Variants in CYTH4 observed in about 807,000 individuals in gnomAD.
The protein encoded by CYTH4 is cytohesin-4.
A neutral mutation model predicts 57.5 loss-of-function variants in CYTH4; 22 were observed. The observed-to-expected ratio is 0.38, with a 90% CI of 0.27 to 0.55. The LOEUF (loss-of-function observed/expected upper bound fraction) is 0.55, where lower values mean the gene tolerates loss of function less well. Ranked by LOEUF, CYTH4 falls within the 20% of genes least tolerant of loss-of-function variation. CYTH4 has a pLI of 0.74. For missense variants in CYTH4, 420 were observed against 535.6 expected, an observed-to-expected ratio of 0.78 and a Z score of 2.13; for synonymous variants, 186 against 206.5, an observed-to-expected ratio of 0.90 and a Z score of 0.85.
Position 37,314,791 on chromosome 22 carries a change from A to C in CYTH4, c.*1280A>C. ...GAAATTCCTTGGCAGGGGAACAGGAAATGTGGCCGCCTCTGCCCCACTGCC... is the reference window on the plus strand; with the variant it reads ...GAAATTCCTTGGCAGGGGAACAGGACATGTGGCCGCCTCTGCCCCACTGCC... On this transcript the variant is annotated 3_prime_UTR_variant, in exon 13 of 13. Coordinates refer to ENST00000248901, the MANE Select transcript of CYTH4 (RefSeq NM_013385.5). The C allele has an allele frequency of 5.4e-6, 1 of 184,164 alleles. No homozygotes were observed. Among genetic ancestry groups the C allele is most frequent in the African/African-American group, 2.3e-5 (1 of 42,998 alleles). 11.4% of individuals were successfully genotyped at this position (184,164 alleles called of 1,614,324 possible).
rs759744742 is a variant in CYTH4 at position 37,297,603 on chromosome 22, G to A, written c.274G>A (p.Asp92Asn). Reference sequence around the variant, plus strand: ...CATTGAGCACAAGCTGCTGACCCCTGACGTCCAGGACATTGCACGGTTCCT... The same window carrying A: ...CATTGAGCACAAGCTGCTGACCCCTAACGTCCAGGACATTGCACGGTTCCT... Reference protein sequence around the residue: ...YFIEHKLLTPDVQDIARFLYK... With the variant: ...YFIEHKLLTPNVQDIARFLYK... The change falls in exon 5 of 13, where the codon GAC (aspartate) becomes AAC (asparagine). Residue 92 changes from aspartate to asparagine, a missense_variant. By Grantham distance (23) the Asp-to-Asn change is conservative. Coordinates refer to ENST00000248901, the MANE Select transcript of CYTH4 (RefSeq NM_013385.5). The A allele has an allele frequency of 6.8e-6, 11 of 1,613,978 alleles. No homozygotes were observed. The South Asian group carries it at 9.9e-5, about 14-fold the overall frequency.
chr22:37,288,165 A>G (rs1408621855), intron 1 of CYTH4, among the ~76,000 whole-genome samples: 2 of 152,186 alleles, frequency 1.3e-5, no homozygotes, highest in African/African-American at 4.8e-5. Context: ...CTGTAATCTC[A>G]GCACTTTGGG....
Position 37,314,494 on chromosome 22 carries a change from C to G in CYTH4, c.*983C>G, listed in dbSNP as rs868053249. The G allele has an allele frequency of 5.0e-6, 2 of 398,530 alleles. No individual in the cohort carries two copies. Among genetic ancestry groups the G allele is most frequent in the Non-Finnish European group, 8.8e-6 (2 of 226,058 alleles). The allele number at this position is 398,530 out of a possible 1,614,324, so 24.7% of individuals were successfully genotyped here. A position where few individuals can be genotyped will look rare whatever the true frequency, so the allele number is the denominator to read the frequency against. On this transcript the variant is annotated 3_prime_UTR_variant, in exon 13 of 13. Transcript: ENST00000248901. ...GGGCTGCCTGGAGGCAGTGGCTGAG[C>G]CAGAAAGTAACACAGAGCTCATGCT... is the stretch of plus-strand genomic sequence containing the variant.
Position 37,298,909 on chromosome 22 carries a change from C to T in CYTH4, c.354-317C>T, listed in dbSNP as rs537977309. 1.3e-5 allele frequency among the ~76,000 whole-genome samples: 2 copies of T among 152,208 alleles called. No homozygotes were observed. The highest frequency in any genetic ancestry group is 4.8e-5 in the African/African-American group (2 of 41,526). ...GGCTGGGAAGGTCAAGTGGCTTCCG[C>T]GAGGTCACCAGGTGGGAAGTTACAG... On this transcript the variant is annotated intron_variant, in intron 5 of 12. Coordinates refer to ENST00000248901, the MANE Select transcript of CYTH4 (RefSeq NM_013385.5). The surrounding 1 kb of genome is among the most constrained non-coding windows in gnomAD (Gnocchi z 4.1).
intron 6 of CYTH4, among the ~76,000 whole-genome samples, chr22:37,300,603 G>T (rs572042298): frequency 6.6e-5 from 10 of 152,214 alleles, no homozygotes; most frequent in Non-Finnish European, 1.2e-4. Context: ...AGACCCCGGG[G>T]CAGGCAGAGG....
Position 37,299,133 on chromosome 22 carries a change from G to C in CYTH4, c.354-93G>C, listed in dbSNP as rs960230900. The C allele has an allele frequency of 1.8e-4, 156 of 876,278 alleles. 1 individual carries two copies. In the Admixed American group the frequency reaches 3.0e-3, roughly 17 times the overall value. The allele number at this position is 876,278 out of a possible 1,614,324, so 54.3% of individuals were successfully genotyped here. A position where few individuals can be genotyped will look rare whatever the true frequency, so the allele number is the denominator to read the frequency against. On this transcript the variant is annotated intron_variant, in intron 5 of 12. Coordinates refer to ENST00000248901, the MANE Select transcript of CYTH4 (RefSeq NM_013385.5). The stretch of plus-strand genomic sequence containing the variant: ...GGACCCCAGAAGGACAGATGTCTCT[G>C]TCCTCTCCCTCCCCCACCTCAACCC...
At chr22:37,303,874 C>G (rs902376442) in intron 8 of CYTH4, among the ~76,000 whole-genome samples, 1 of 152,210 alleles carries the variant, frequency 6.6e-6, no homozygotes, top group South Asian at 2.1e-4. Flanking sequence ...TACCAACCTC[C>G]GGTCGCTTCC....
intron 9 of CYTH4, among the ~76,000 whole-genome samples, chr22:37,309,605 G>A (rs1220043627): frequency 6.6e-6 from 1 of 152,186 alleles, no homozygotes; most frequent in African/African-American, 2.4e-5. Context: ...CTTCAGCTGC[G>A]GTTCTGTTTC....
intron 4 of CYTH4, 154 bp downstream of exon 4, chr22:37,296,219 C>G (rs1928962844): frequency 2.5e-6 from 2 of 799,834 alleles, no homozygotes; most frequent in Non-Finnish European, 3.9e-6. Flanking sequence ...TGCCCCATGG[C>G]CAGCTGTGGC....
intron 8 of CYTH4, among the ~76,000 whole-genome samples, chr22:37,306,582 C>T (rs1466534568): frequency 6.6e-6 from 1 of 152,232 alleles, no homozygotes; most frequent in Non-Finnish European, 1.5e-5. Context: ...CTGTGCTTTC[C>T]AGCTACCAGT....
In CYTH4 at chr22:37,295,397, C is replaced by T. The variant is rs180960242; in HGVS notation, c.168-602C>T. Among the ~76,000 whole-genome samples the T allele has an allele frequency of 2.9e-5, 4 of 135,868 alleles. 1 individual carries two copies. Among genetic ancestry groups the T allele is most frequent in the Admixed American group, 2.1e-4 (3 of 14,478 alleles). The allele number at this position is 135,868 out of a possible 152,430, so 89.1% of individuals were successfully genotyped here. A position where few individuals can be genotyped will look rare whatever the true frequency, so the allele number is the denominator to read the frequency against. ...ACACATGCACACACACACACGCATGCACACACACACAAGCATGCACACACA... is the reference window on the plus strand; with the variant it reads ...ACACATGCACACACACACACGCATGTACACACACACAAGCATGCACACACA... On this transcript the variant is annotated intron_variant, in intron 3 of 12. Transcript: ENST00000248901. The surrounding 1 kb of genome is among the most constrained non-coding windows in gnomAD (Gnocchi z 4.1).
At chr22:37,313,369 C>G (rs1370479545) in intron 12 of CYTH4, 70 bp from the exon 13 acceptor site, 2 of 1,483,266 alleles carry the variant, frequency 1.3e-6, no homozygotes, top group South Asian at 1.1e-5. Flanking sequence ...GCCCCTGATA[C>G]AAGCCCTGGG....
At chr22:37,296,809 C>A (rs192930102) in intron 4 of CYTH4, among the ~76,000 whole-genome samples, 14 of 152,148 alleles carry the variant, frequency 9.2e-5, no homozygotes, top group Non-Finnish European at 1.6e-4. Flanking sequence ...CACCCAGCAC[C>A]CAGGGGTGTC....
chr22:37,294,603 C>T lies in CYTH4; in HGVS notation c.103-57C>T, dbSNP rs924319313. The T allele has an allele frequency of 3.1e-5, 50 of 1,601,486 alleles. No individual in the cohort carries two copies. The East Asian group carries it at 1.1e-3, about 35-fold the overall frequency. ...GGAGTGGTCCTTGTGGTCTCAAACC[C>T]CCGGGGTTCTGGCCTCCACCCCTGA... On this transcript the variant is annotated intron_variant, in intron 2 of 12. Transcript: ENST00000248901.
Position 37,296,779 on chromosome 22 carries a change from G to A in CYTH4, c.234+714G>A, listed in dbSNP as rs1033966338. 7.9e-5 allele frequency among the ~76,000 whole-genome samples: 12 copies of A among 151,996 alleles called. No individual in the cohort carries two copies. The Middle Eastern group carries it at 0.02, about 258-fold the overall frequency. On this transcript the variant is annotated intron_variant, in intron 4 of 12. Transcript: ENST00000248901. ...CCTGCTCCTACCCACAGAGACCCCC[G>A]CAGGCTCACACTCTCACCCCACCCA...
In CYTH4 at chr22:37,313,658, A is replaced by G; in HGVS notation, c.*147A>G. 1 of 755,540 alleles carries G rather than the reference A, an allele frequency of 1.3e-6. No homozygotes were observed. Among genetic ancestry groups the G allele is most frequent in the Admixed American group, 2.3e-5 (1 of 43,742 alleles). 46.8% of individuals were successfully genotyped at this position (755,540 alleles called of 1,614,324 possible). On this transcript the variant is annotated 3_prime_UTR_variant, in exon 13 of 13. Transcript: ENST00000248901. ...TTACCTCGAGCTGACTCTAGAGGGG[A>G]AGGCAGAGCTCAGGAGGGTGGGTGG... is the stretch of plus-strand genomic sequence containing the variant.
In CYTH4 at chr22:37,295,746, C is replaced by G. The variant is rs74467033; in HGVS notation, c.168-253C>G. ...CAGGGCCCCTCCACCTTCTCCCACA[C>G]GGCAGCTCCGGGTTCCTGCAAGCTG... On this transcript the variant is annotated intron_variant, in intron 3 of 12. Transcript: ENST00000248901. The surrounding 1 kb of genome is among the most constrained non-coding windows in gnomAD (Gnocchi z 4.1). Among the ~76,000 whole-genome samples, 2,268 of 152,330 alleles carry G rather than the reference C, an allele frequency of 0.015. 59 individuals are homozygous for G. The highest frequency in any genetic ancestry group is 0.052 in the African/African-American group (2,151 of 41,552).
intron 1 of CYTH4, among the ~76,000 whole-genome samples, chr22:37,291,330 A>C (rs916023319): frequency 1.3e-5 from 2 of 152,146 alleles, no homozygotes; most frequent in Admixed American, 1.3e-4. Flanking sequence ...CTTTAATCTC[A>C]ACAGCCACAA....
chr22:37,303,127 G>A (rs5756603), intron 7 of CYTH4, 127 bp from the exon 8 acceptor site: 839,216 of 1,413,844 alleles, frequency 0.59, 251,162 homozygotes, highest in South Asian at 0.77. Context: ...GGGCCTCAAA[G>A]CCCAAGCCAG....
Sources: gnomAD v4.1 joint callset for allele counts (sites outside exome capture counted in the v4.1 genomes callset) on GRCh38, gnomAD v4.1.1 for gene constraint, Gnocchi (gnomAD v3.1) non-coding constraint, MANE v1.5 for transcripts, NCBI Gene and HGNC (gene_info 2026-07-23, HGNC 2026-07-21) for gene names.